Variants in ASAP2 observed in about 807,000 individuals in gnomAD.
ASAP2 encodes ArfGAP with SH3 domain, ankyrin repeat and PH domain 2.
ASAP2 carries 45 observed loss-of-function variants against 131.4 expected under a neutral mutation model. That is an observed-to-expected ratio of 0.34 (90% CI 0.27 to 0.44). The LOEUF (loss-of-function observed/expected upper bound fraction) is 0.44. ASAP2 is among the 20% of genes least tolerant of loss of function. The pLI is 1.00. For synonymous variants in ASAP2, 510 were observed against 503.0 expected, an observed-to-expected ratio of 1.01 and a Z score of -0.19; for missense variants, 1,011 against 1,297.0, an observed-to-expected ratio of 0.78 and a Z score of 3.39.
At chr2:9,271,162 A>G in intron 1 of ASAP2, 1 of 501,360 alleles carries the variant, frequency 2.0e-6, no homozygotes, top group South Asian at 3.9e-5. Flanking sequence ...CCAAGTTAAA[A>G]GCGGACCCCA....
chr2:9,388,452 C>T lies in ASAP2; in HGVS notation c.2289C>T (p.Tyr763=), dbSNP rs775673218. 17 of 1,614,012 alleles carry T rather than the reference C, an allele frequency of 1.1e-5. No individual in the cohort carries two copies. Among genetic ancestry groups the T allele is most frequent in the East Asian group, 6.7e-5 (3 of 44,892 alleles). ...CCAGCATCTTGCAGAATGAGACTTACGGAGCCCTCCTGAGTGGCAGCCCAC... is the reference window on the plus strand; with the variant it reads ...CCAGCATCTTGCAGAATGAGACTTATGGAGCCCTCCTGAGTGGCAGCCCAC... The part of the protein sequence containing the change: ...FMPSILQNET[Y]GALLSGSPPP... Residue 763 remains tyrosine (Y), a synonymous_variant, in exon 22 of 28, where the codon TAC becomes TAT. Transcript: ENST00000281419.
chr2:9,370,774 G>A (rs1039534748), intron 16 of ASAP2, among the ~76,000 whole-genome samples: 1 of 152,142 alleles, frequency 6.6e-6, no homozygotes, highest in Admixed American at 6.5e-5. Context: ...CCCTGAAAAT[G>A]AGGTTCCTCT....
At chr2:9,334,629 C>A in intron 7 of ASAP2, 109 bp from the exon 8 acceptor site, 1 of 891,586 alleles carries the variant, frequency 1.1e-6, no homozygotes, top group Non-Finnish European at 1.7e-6. Flanking sequence ...TCTTTTCCCC[C>A]AGGAGTTACA....
At chr2:9,367,253 G>A (rs532365837) in intron 15 of ASAP2, among the ~76,000 whole-genome samples, 5 of 151,534 alleles carry the variant, frequency 3.3e-5, no homozygotes, top group African/African-American at 7.3e-5. Flanking sequence ...GGCTAGTCTC[G>A]AACTCCTGAG....
rs964061025 is a variant in ASAP2 at position 9,217,043 on chromosome 2, C to A, written c.126+9813C>A. On this transcript the variant is annotated intron_variant, in intron 1 of 27. Coordinates refer to ENST00000281419, the MANE Select transcript of ASAP2 (RefSeq NM_003887.3). This position sits in a 1 kb window ranked among gnomAD's most constrained non-coding sequence, Gnocchi z 4.0. ...CAAAATTAGGCCACGGTACCAAGTT[C>A]ATGGAGCTTGGAGGTGATGAAGCCA... Among the ~76,000 whole-genome samples, 1 of 152,156 alleles carries A rather than the reference C, an allele frequency of 6.6e-6. No homozygotes were observed. Among genetic ancestry groups the A allele is most frequent in the African/African-American group, 2.4e-5 (1 of 41,436 alleles).
Position 9,356,304 on chromosome 2 carries a change from G to T in ASAP2, c.1286G>T (p.Arg429Met), listed in dbSNP as rs1672695059. The stretch of plus-strand genomic sequence containing the variant: ...AAGGAGATCATCTCAGAAGTGCAGA[G>T]GATGACGGGCAATGACGTCTGCTGT... ...LTKEIISEVQ[R>M]MTGNDVCCDC... The change falls in exon 14 of 28, where the codon AGG becomes ATG. Residue 429 changes from arginine (R) to methionine (M), a missense_variant. By Grantham distance (91) the Arg-to-Met change is moderately conservative. Transcript: ENST00000281419. The T allele has an allele frequency of 6.2e-7, 1 of 1,612,356 alleles. No individual in the cohort carries two copies. The highest frequency in any genetic ancestry group is 1.7e-5 in the Admixed American group (1 of 59,824).
At chr2:9,277,650 T>TTG (rs1424253236) in intron 1 of ASAP2, among the ~76,000 whole-genome samples, 3 of 152,166 alleles carry the variant, frequency 2.0e-5, no homozygotes, top group Non-Finnish European at 4.4e-5. Flanking sequence ...GCCTCCTCCT[T>TTG]TGTTAACATC....
At chr2:9,370,031 G>T (rs553344121) in intron 16 of ASAP2, among the ~76,000 whole-genome samples, 2 of 152,022 alleles carry the variant, frequency 1.3e-5, no homozygotes, top group Non-Finnish European at 2.9e-5. Context: ...GTAGAGATGG[G>T]GTTTCACCAT....
chr2:9,297,443 C>T lies in ASAP2; in HGVS notation c.343C>T (p.Leu115=), dbSNP rs142115918. 1.3e-4 allele frequency: 204 copies of T among 1,614,118 alleles called. No homozygotes were observed. Among genetic ancestry groups the T allele is most frequent in the Non-Finnish European group, 1.6e-4 (186 of 1,179,994 alleles). The change falls in exon 3 of 28, where the codon CTG becomes TTG. Residue 115 remains leucine, a splice_region_variant and synonymous_variant. Transcript: ENST00000281419. ...GGAGTTGACAGCACTTTTCAAAAAC[C>T]TGGTAAGCAGCTCTGTGTATGAAAT... The part of the protein sequence containing the change: ...TKELTALFKN[L]IQNMNNIISF...
chr2:9,344,900 G>C, intron 11 of ASAP2, 100 bp downstream of exon 11: 1 of 1,033,118 alleles, frequency 9.7e-7, no homozygotes, highest in Non-Finnish European at 1.5e-6. Context: ...CTCCGTGTGT[G>C]ATGGTATTAA....
intron 1 of ASAP2, among the ~76,000 whole-genome samples, chr2:9,269,060 T>G (rs963822495): frequency 3.3e-5 from 5 of 152,172 alleles, no homozygotes; most frequent in South Asian, 2.1e-4. Context: ...CAGCAAACCT[T>G]TTCTGTGAGG....
intron 1 of ASAP2, among the ~76,000 whole-genome samples, chr2:9,242,470 C>T (rs1664041647): frequency 6.6e-6 from 1 of 152,226 alleles, no homozygotes; most frequent in South Asian, 2.1e-4. Context: ...AGACCCAGTA[C>T]CATACTCTAG....
At chr2:9,355,330 A>G (rs1293971788) in intron 12 of ASAP2, among the ~76,000 whole-genome samples, 1 of 152,144 alleles carries the variant, frequency 6.6e-6, no homozygotes. Context: ...CTTAAAGAGT[A>G]TTGACCTGTT....
intron 6 of ASAP2, 24 bp downstream of exon 6, chr2:9,323,274 C>T: frequency 6.2e-7 from 1 of 1,613,560 alleles, no homozygotes; most frequent in Non-Finnish European, 8.5e-7. Flanking sequence ...GAAGGCAGGT[C>T]CTACAGCCCA....
chr2:9,258,555 G>A (rs1558273309), intron 1 of ASAP2, among the ~76,000 whole-genome samples: 1 of 152,090 alleles, frequency 6.6e-6, no homozygotes, highest in Non-Finnish European at 1.5e-5. Flanking sequence ...CAGTCTCCAT[G>A]GTGCCCCCGC....
chr2:9,344,861 CTT>C (rs1671856676), intron 11 of ASAP2, 61 bp downstream of exon 11: 1 of 1,455,804 alleles, frequency 6.9e-7, no homozygotes, highest in Admixed American at 1.7e-5. Context: ...TGTTGGAGGA[CTT>C]TCTGAAGTTA....
chr2:9,312,487 A>G (rs560472793), intron 3 of ASAP2, among the ~76,000 whole-genome samples: 1 of 152,012 alleles, frequency 6.6e-6, no homozygotes, highest in East Asian at 1.9e-4. Context: ...ACGATGCCCC[A>G]TCTTTTGAAG....
rs148830059 is a variant in ASAP2, at chr2:9,228,002, A to G, written c.126+20772A>G. Among the ~76,000 whole-genome samples the G allele has an allele frequency of 3.5e-4, 54 of 152,380 alleles. No homozygotes were observed. In the East Asian group the frequency reaches 8.5e-3, roughly 24 times the overall value. On this transcript the variant is annotated intron_variant, in intron 1 of 27. Transcript: ENST00000281419. Reference sequence around the variant, plus strand: ...TTCCAGCAAAAGGTACTGCTTATTTATAATAACCAGATAATAGCAGCGAGA... The same window carrying G: ...TTCCAGCAAAAGGTACTGCTTATTTGTAATAACCAGATAATAGCAGCGAGA...
At chr2:9,214,378 T>A (rs1308571139) in intron 1 of ASAP2, among the ~76,000 whole-genome samples, 1 of 152,144 alleles carries the variant, frequency 6.6e-6, no homozygotes, top group Non-Finnish European at 1.5e-5. Context: ...CAGCTGGGAT[T>A]ACAGGTGACT....
Sources: gnomAD v4.1 joint callset for allele counts (sites outside exome capture counted in the v4.1 genomes callset) on GRCh38, gnomAD v4.1.1 for gene constraint, Gnocchi (gnomAD v3.1) non-coding constraint, MANE v1.5 for transcripts, NCBI Gene and HGNC (gene_info 2026-07-23, HGNC 2026-07-21) for gene names.